Variants in CTNNA3 observed in about 807,000 individuals in gnomAD.
CTNNA3 encodes catenin alpha-3.
CTNNA3 carries 76 observed loss-of-function variants against 95.7 expected under a neutral mutation model. The ratio of observed to expected loss-of-function variants is 0.79; its 90% confidence interval spans 0.66 to 0.96. The LOEUF (loss-of-function observed/expected upper bound fraction) is 0.96, where lower values mean the gene tolerates loss of function less well. CTNNA3 is among the 40% of genes least tolerant of loss of function. The pLI, the probability that CTNNA3 is intolerant of heterozygous loss-of-function variation, is 0.00. For missense variants in CTNNA3, 1,191 were observed against 1,089.8 expected (o/e 1.09, Z -1.31); for synonymous variants, 431 against 374.4 (o/e 1.15, Z -1.74).
chr10:67,183,943 A>G (rs1473688726), intron 6 of CTNNA3, among the ~76,000 whole-genome samples: 1 of 152,110 alleles, frequency 6.6e-6, no homozygotes, highest in Non-Finnish European at 1.5e-5. Context: ...TGCCCTTTAC[A>G]ATTTTTTTAA....
intron 9 of CTNNA3, among the ~76,000 whole-genome samples, chr10:66,695,688 G>T (rs1259095048): frequency 6.6e-6 from 1 of 152,086 alleles, no homozygotes; most frequent in East Asian, 1.9e-4. Context: ...GAGACAGGAA[G>T]ATACAAGAAG....
intron 7 of CTNNA3, among the ~76,000 whole-genome samples, chr10:67,053,053 C>G (rs996602969): frequency 1.3e-5 from 2 of 152,134 alleles, no homozygotes; most frequent in Non-Finnish European, 2.9e-5. Context: ...ATAACACATA[C>G]AAAAGCTAGA....
At position 65,916,442 on chromosome 10, in the gene CTNNA3, A is replaced by G. The variant is rs977346011; in HGVS notation, c.*3888T>C. 6.6e-6 allele frequency: 1 copy of G among 152,142 alleles called. No homozygotes were observed. Among genetic ancestry groups the G allele is most frequent in the Non-Finnish European group, 1.5e-5 (1 of 68,022 alleles). 9.4% of individuals were successfully genotyped at this position (152,142 alleles called of 1,614,324 possible). A position where few individuals can be genotyped will look rare whatever the true frequency, so the allele number is the denominator to read the frequency against. ...GCTGTTTATTCTGCAATGAGTTCAC[A>G]AGAGAATGGTGGATATCACCAGGAA... On this transcript the variant is annotated 3_prime_UTR_variant, in exon 18 of 18. Transcript: ENST00000433211.
At position 66,101,428 on chromosome 10, in the gene CTNNA3, T is replaced by C. The variant is rs772462773; in HGVS notation, c.1977+1729A>G. ...ATGAAATATTCCTATTACCAAAATT[T>C]GAGATAAGCAATGTTTCTGATAAAA... On this transcript the variant is annotated intron_variant, in intron 14 of 17. Coordinates refer to ENST00000433211, the MANE Select transcript of CTNNA3 (RefSeq NM_013266.4). Among the ~76,000 whole-genome samples the C allele has an allele frequency of 6.6e-4, 100 of 152,188 alleles. 1 individual carries two copies. The highest frequency in any genetic ancestry group is 4.1e-4 in the South Asian group (2 of 4,830).
chr10:66,175,178 GCA>G (rs147448130), intron 13 of CTNNA3, among the ~76,000 whole-genome samples: 1 of 150,924 alleles, frequency 6.6e-6, no homozygotes, highest in Non-Finnish European at 1.5e-5. Context: ...ACACACACAT[GCA>G]CACACACACA....
At chr10:66,746,652 A>G (rs1049253479) in intron 9 of CTNNA3, among the ~76,000 whole-genome samples, 1 of 152,180 alleles carries the variant, frequency 6.6e-6, no homozygotes, top group African/African-American at 2.4e-5. Context: ...TTCACTCACT[A>G]CAATAGGTAA....
intron 5 of CTNNA3, among the ~76,000 whole-genome samples, chr10:67,300,695 C>A (rs1331531352): frequency 6.6e-6 from 1 of 152,206 alleles, no homozygotes; most frequent in Non-Finnish European, 1.5e-5. Context: ...ACCCTAAATT[C>A]CAGGTGAGTA....
intron 1 of CTNNA3, among the ~76,000 whole-genome samples, chr10:67,706,925 C>T (rs1386606913): frequency 2.0e-5 from 3 of 152,118 alleles, no homozygotes; most frequent in Non-Finnish European, 4.4e-5. Context: ...CAAAAAGGAG[C>T]TCTTGATTTT....
intron 13 of CTNNA3, among the ~76,000 whole-genome samples, chr10:66,107,933 T>C (rs1201242192): frequency 6.6e-6 from 1 of 152,104 alleles, no homozygotes; most frequent in Non-Finnish European, 1.5e-5. Flanking sequence ...ACACATGACT[T>C]ATTAAAAATA....
chr10:67,438,684 C>T (rs1846389592), intron 5 of CTNNA3, among the ~76,000 whole-genome samples: 1 of 152,182 alleles, frequency 6.6e-6, no homozygotes, highest in Non-Finnish European at 1.5e-5. Context: ...TGCCACCCCT[C>T]CCCAATCTCC....
chr10:66,627,076 T>G (rs1242417440), intron 9 of CTNNA3, among the ~76,000 whole-genome samples: 1 of 152,162 alleles, frequency 6.6e-6, no homozygotes, highest in African/African-American at 2.4e-5. Flanking sequence ...AAGAATGACC[T>G]GAACATGTGT....
chr10:67,342,093 T>TTTC (rs1330440655), intron 5 of CTNNA3, among the ~76,000 whole-genome samples: 3 of 121,910 alleles, frequency 2.5e-5, no homozygotes, highest in Non-Finnish European at 3.5e-5. Context: ...TTTATTTATT[T>TTTC]TTCTTCTTTT....
chr10:67,620,208 G>C (rs1448016838), intron 2 of CTNNA3, among the ~76,000 whole-genome samples: 1 of 152,150 alleles, frequency 6.6e-6, no homozygotes, highest in African/African-American at 2.4e-5. Flanking sequence ...CCCTAGCCAA[G>C]CTACAAAAGA....
intron 7 of CTNNA3, among the ~76,000 whole-genome samples, chr10:67,053,091 A>T (rs1445673315): frequency 1.3e-5 from 2 of 152,178 alleles, no homozygotes; most frequent in Non-Finnish European, 2.9e-5. Flanking sequence ...AACATGAAGA[A>T]CTTTGTAATA....
At chr10:66,919,519 G>A (rs903765137) in intron 7 of CTNNA3, among the ~76,000 whole-genome samples, 6 of 152,164 alleles carry the variant, frequency 3.9e-5, no homozygotes, top group African/African-American at 1.4e-4. Context: ...CTGCATAAAT[G>A]TATCTTCAGG....
chr10:66,510,554 G>A (rs1284214130), intron 11 of CTNNA3, among the ~76,000 whole-genome samples: 1 of 128,132 alleles, frequency 7.8e-6, no homozygotes, highest in East Asian at 2.0e-4. Context: ...TCTTTATTGT[G>A]TTGAGGTATA....
chr10:67,304,904 C>T (rs1213592895), intron 5 of CTNNA3, among the ~76,000 whole-genome samples: 2 of 151,550 alleles, frequency 1.3e-5, no homozygotes, highest in African/African-American at 4.9e-5. Flanking sequence ...GTAAGTCAAG[C>T]AGAAGGAGTG....
intron 7 of CTNNA3, among the ~76,000 whole-genome samples, chr10:67,025,548 A>G (rs1853318647): frequency 6.6e-6 from 1 of 152,122 alleles, no homozygotes; most frequent in Non-Finnish European, 1.5e-5. Context: ...TGTATTTTGC[A>G]TCTTGTTATT....
chr10:66,946,827 T>A (rs946935564), intron 7 of CTNNA3, among the ~76,000 whole-genome samples: 8 of 152,140 alleles, frequency 5.3e-5, no homozygotes, highest in African/African-American at 1.7e-4. Context: ...TCTACGTATG[T>A]ACTTGGAAGT....
Sources: gnomAD v4.1 joint callset for allele counts (sites outside exome capture counted in the v4.1 genomes callset) on GRCh38, gnomAD v4.1.1 for gene constraint, MANE v1.5 for transcripts, NCBI Gene and HGNC (gene_info 2026-07-23, HGNC 2026-07-21) for gene names.